METTL8: variants seen among roughly 807,000 people sequenced by gnomAD.
The protein encoded by METTL8 is tRNA N(3)-cytidine methyltransferase METTL8, mitochondrial.
METTL8 carries 32 observed loss-of-function variants against 48.7 expected under a neutral mutation model. That is an observed-to-expected ratio of 0.66 (90% CI 0.50 to 0.88). The LOEUF is 0.88. Ranked by LOEUF, METTL8 falls within the 40% of genes least tolerant of loss-of-function variation. The pLI is 0.00. For missense variants in METTL8, 464 were observed against 474.4 expected, an observed-to-expected ratio of 0.98 and a Z score of 0.20; for synonymous variants, 136 against 157.1, an observed-to-expected ratio of 0.87 and a Z score of 1.01.
chr2:171,360,037 C>T (rs1386127551), intron 3 of METTL8, among the ~76,000 whole-genome samples: 1 of 152,114 alleles, frequency 6.6e-6, no homozygotes. Context: ...AACTTCAGCA[C>T]CATTTTGATG....
chr2:171,343,790 G>A (rs1166046992), intron 3 of METTL8, among the ~76,000 whole-genome samples: 5 of 152,236 alleles, frequency 3.3e-5, no homozygotes, highest in South Asian at 2.1e-4. Flanking sequence ...CCTATTAAGC[G>A]CCATGAATTT....
chr2:171,395,255 A>G (rs2105573878), intron 1 of METTL8, among the ~76,000 whole-genome samples: 1 of 152,336 alleles, frequency 6.6e-6, no homozygotes, highest in African/African-American at 2.4e-5. Flanking sequence ...ACAGTTTAAA[A>G]TATTCCATTC....
intron 2 of METTL8, among the ~76,000 whole-genome samples, chr2:171,369,952 GC>G (rs1351063063): frequency 6.6e-6 from 1 of 151,874 alleles, no homozygotes; most frequent in Non-Finnish European, 1.5e-5. Flanking sequence ...TATAATCCCA[GC>G]TACTCGGAAG....
intron 3 of METTL8, 102 bp downstream of exon 3, chr2:171,360,320 C>T (rs1199615579): frequency 1.2e-6 from 1 of 847,112 alleles, no homozygotes; most frequent in Non-Finnish European, 1.8e-6. Flanking sequence ...AACAAGTGGA[C>T]TGGCATCAGG....
At chr2:171,402,557 T>G (rs919029795) in intron 1 of METTL8, among the ~76,000 whole-genome samples, 2 of 152,190 alleles carry the variant, frequency 1.3e-5, no homozygotes, top group Non-Finnish European at 2.9e-5. Context: ...TAGCTTAATA[T>G]ACATACGTTA....
intron 3 of METTL8, among the ~76,000 whole-genome samples, chr2:171,347,801 A>G (rs1272771845): frequency 6.6e-6 from 1 of 152,238 alleles, no homozygotes; most frequent in Non-Finnish European, 1.5e-5. Flanking sequence ...TGTAAGCAGT[A>G]CTGCCACTGG....
At chr2:171,369,172 G>A (rs145503635) in intron 2 of METTL8, among the ~76,000 whole-genome samples, 27 of 152,276 alleles carry the variant, frequency 1.8e-4, no homozygotes, top group African/African-American at 6.0e-4. Context: ...CGGGCATGGT[G>A]GCAGTCGCCT....
intron 9 of METTL8, among the ~76,000 whole-genome samples, chr2:171,325,630 C>CTTT (rs1405503174): frequency 6.8e-5 from 1 of 14,620 alleles, no homozygotes; most frequent in Non-Finnish European, 1.6e-4. Context: ...AAACAAGAGA[C>CTTT]TTTAAAGCAG....
intron 2 of METTL8, among the ~76,000 whole-genome samples, chr2:171,364,437 G>A (rs1015206999): frequency 2.0e-5 from 3 of 151,820 alleles, no homozygotes; most frequent in African/African-American, 7.3e-5. Flanking sequence ...TGGGCAGAAA[G>A]TACAAAATAT....
chr2:171,396,828 A>G (rs902515245), intron 1 of METTL8, among the ~76,000 whole-genome samples: 2 of 151,988 alleles, frequency 1.3e-5, no homozygotes, highest in Non-Finnish European at 2.9e-5. Context: ...GAAAGATGTC[A>G]AATCAATAAT....
intron 3 of METTL8, among the ~76,000 whole-genome samples, chr2:171,353,699 CCCTTTACCATCATGTAATGG>C (rs1398232071): frequency 2.0e-5 from 3 of 152,172 alleles, no homozygotes; most frequent in Non-Finnish European, 2.9e-5. Flanking sequence ...TTGAATTGAT[CCCTTTACCATCATGTAATGG>C]CCTTTGTCTC....
chr2:171,383,313 T>G (rs113693567), intron 2 of METTL8, among the ~76,000 whole-genome samples: 3,694 of 152,256 alleles, frequency 0.024, 65 homozygotes, highest in Middle Eastern at 0.054. Context: ...CAGTCTTACC[T>G]TGGATCTACA....
At chr2:171,404,414 A>G (rs924059934) in intron 1 of METTL8, among the ~76,000 whole-genome samples, 14 of 152,014 alleles carry the variant, frequency 9.2e-5, no homozygotes, top group Admixed American at 8.5e-4. Flanking sequence ...GGCTGTCAGG[A>G]GCAGATGATG....
At position 171,325,842 on chromosome 2, in the gene METTL8, T is replaced by C; in HGVS notation, c.1032A>G (p.Lys344=). The change falls in exon 9 of 10, where the codon AAA becomes AAG. Residue 344 remains lysine, a splice_region_variant and synonymous_variant. Coordinates refer to ENST00000375258, the MANE Select transcript of METTL8 (RefSeq NM_001321154.2). ...GDGTRAYFFT[K]GEVHSMFCKA... is the part of the protein sequence containing the mutation. ...ATTTCCTTTTGTAGATTAGCATACC[T>C]TTTGTAAAGAAATATGCTCTGGTAC... is the stretch of plus-strand genomic sequence containing the variant. 8 of 1,563,048 alleles carry C rather than the reference T, an allele frequency of 5.1e-6. No individual in the cohort carries two copies. The highest frequency in any genetic ancestry group is 7.0e-6 in the Non-Finnish European group (8 of 1,143,654).
upstream of METTL8, chr2:171,434,737 C>T (rs1362644145): frequency 1.3e-5 from 18 of 1,398,040 alleles, no homozygotes; most frequent in South Asian, 1.6e-5. Context: ...GGACGGAGGG[C>T]CGCGGGCGCG....
At chr2:171,351,912 G>A (rs1017468100) in intron 3 of METTL8, among the ~76,000 whole-genome samples, 1 of 152,280 alleles carries the variant, frequency 6.6e-6, no homozygotes, top group Admixed American at 6.5e-5. Flanking sequence ...TCTGCAAATA[G>A]GGAAAATTTG....
chr2:171,343,592 TAAC>T (rs1686994901), intron 3 of METTL8, among the ~76,000 whole-genome samples: 2 of 152,174 alleles, frequency 1.3e-5, no homozygotes, highest in Admixed American at 6.5e-5. Context: ...GAAGCAATGA[TAAC>T]AATTTAATCA....
At chr2:171,422,023 G>A (rs895977307) in intron 1 of METTL8, among the ~76,000 whole-genome samples, 1 of 152,120 alleles carries the variant, frequency 6.6e-6, no homozygotes, top group African/African-American at 2.4e-5. Flanking sequence ...TGGCAAAAAA[G>A]AAATAAGACA....
In METTL8 at chr2:171,390,166, G is replaced by C. The variant is rs779265590; in HGVS notation, c.143+1877C>G. On this transcript the variant is annotated intron_variant, in intron 2 of 9. Transcript: ENST00000375258. ...ACAAAGCCTGGATGACAACACATCT[G>C]TTTATAGCATGGTTTACTGAATGTT... Among the ~76,000 whole-genome samples the C allele has an allele frequency of 6.6e-5, 10 of 152,160 alleles. No homozygotes were observed. The South Asian group carries it at 1.9e-3, about 28-fold the overall frequency.
Sources: allele counts gnomAD v4.1 joint callset (sites outside exome capture counted in the v4.1 genomes callset), GRCh38; gene constraint gnomAD v4.1.1; transcripts MANE v1.5; gene names NCBI Gene and HGNC (gene_info 2026-07-23, HGNC 2026-07-21).